Variants in TTC7B observed in about 807,000 individuals in gnomAD.
TTC7B encodes the protein tetratricopeptide repeat protein 7B.
In TTC7B, 28 loss-of-function variants were observed where a neutral mutation model predicts 106.8. The observed-to-expected ratio is 0.26, with a 90% CI of 0.19 to 0.36. The LOEUF is 0.36. TTC7B is among the 10% of genes least tolerant of loss of function. TTC7B has a pLI of 1.00. For synonymous variants in TTC7B, 405 were observed against 430.6 expected (o/e 0.94, Z 0.74); for missense variants, 862 against 1,076.4 (o/e 0.80, Z 2.79).
At position 90,527,973 on chromosome 14, in the gene TTC7B, G is replaced by A. The variant is rs1292623800; in HGVS notation, c.*13395C>T. 1 of 151,984 alleles carries A rather than the reference G, an allele frequency of 6.6e-6. No homozygotes were observed. Among genetic ancestry groups the A allele is most frequent in the Non-Finnish European group, 1.5e-5 (1 of 67,956 alleles). The allele number at this position is 151,984 out of a possible 1,614,324, so 9.4% of individuals were successfully genotyped here. A position where few individuals can be genotyped will look rare whatever the true frequency, so the allele number is the denominator to read the frequency against. ...GAGGCTGAGGCGGGTGGATCACTTG[G>A]AAGGATGTCTTGATCCAGAGTAAAG... On this transcript the variant is annotated 3_prime_UTR_variant, in exon 20 of 20. Coordinates refer to ENST00000328459, the MANE Select transcript of TTC7B (RefSeq NM_001010854.2).
chr14:90,659,679 G>A (rs1886106068), intron 9 of TTC7B, among the ~76,000 whole-genome samples: 1 of 152,146 alleles, frequency 6.6e-6, no homozygotes, highest in Non-Finnish European at 1.5e-5. Context: ...ATCAGGTGAC[G>A]AGCTCCGCAC....
At chr14:90,709,250 G>A (rs1366356799) in intron 5 of TTC7B, among the ~76,000 whole-genome samples, 13 of 149,772 alleles carry the variant, frequency 8.7e-5, no homozygotes, top group Admixed American at 1.3e-4. Flanking sequence ...TGTTTATTGC[G>A]GCACTATTCA....
chr14:90,736,434 T>A (rs1178802209), intron 4 of TTC7B, among the ~76,000 whole-genome samples: 2 of 151,866 alleles, frequency 1.3e-5, no homozygotes, highest in East Asian at 3.9e-4. Context: ...TAACTGGGCG[T>A]AGTGGTGGGC....
intron 9 of TTC7B, among the ~76,000 whole-genome samples, chr14:90,661,352 T>G (rs972515060): frequency 2.0e-5 from 3 of 152,136 alleles, no homozygotes; most frequent in Admixed American, 2.0e-4. Flanking sequence ...ACTGTGCCTT[T>G]AAGGAGCACA....
intron 3 of TTC7B, among the ~76,000 whole-genome samples, chr14:90,746,334 A>G (rs1889966405): frequency 6.6e-6 from 1 of 151,974 alleles, no homozygotes; most frequent in Non-Finnish European, 1.5e-5. Context: ...TAGTTTGTCC[A>G]TTTCTTTTGA....
intron 16 of TTC7B, among the ~76,000 whole-genome samples, chr14:90,616,392 T>C (rs1340005775): frequency 1.3e-5 from 2 of 152,170 alleles, no homozygotes; most frequent in African/African-American, 2.4e-5. Flanking sequence ...TTTGAGAACA[T>C]ATCCACAAAA....
At chr14:90,725,362 G>A (rs1181706570) in intron 5 of TTC7B, among the ~76,000 whole-genome samples, 1 of 152,092 alleles carries the variant, frequency 6.6e-6, no homozygotes, top group Non-Finnish European at 1.5e-5. Context: ...TGTTGTATCT[G>A]AGACATAAGC....
chr14:90,799,485 A>G (rs951035985), intron 1 of TTC7B, among the ~76,000 whole-genome samples: 1 of 152,212 alleles, frequency 6.6e-6, no homozygotes, highest in Non-Finnish European at 1.5e-5. Context: ...AAAGAGGGTG[A>G]CTGGGGCTAC....
intron 15 of TTC7B, chr14:90,642,799 T>C (rs914162561): frequency 3.9e-5 from 6 of 152,164 alleles, no homozygotes; most frequent in African/African-American, 1.4e-4. Flanking sequence ...ATATTGATTG[T>C]TTAAGAACTT....
At chr14:90,605,834 C>A in intron 17 of TTC7B, 3 of 1,089,806 alleles carry the variant, frequency 2.8e-6, no homozygotes, top group South Asian at 3.4e-5. Flanking sequence ...AATAAACTCG[C>A]TTTTAATATA....
intron 13 of TTC7B, among the ~76,000 whole-genome samples, chr14:90,650,893 C>T (rs1045963993): frequency 6.6e-6 from 1 of 152,192 alleles, no homozygotes; most frequent in African/African-American, 2.4e-5. Context: ...AGCCACCCAA[C>T]CTGGATGTCT....
In TTC7B at chr14:90,572,745, C is replaced by G. The variant is rs1891082095; in HGVS notation, c.2310+5361G>C. On this transcript the variant is annotated intron_variant, in intron 19 of 19. Transcript: ENST00000328459. ...ACTTTTGGGCCCACCATGCCCGGAA[C>G]AAAAAGCTTATTCTATTATTAGATT... Among the ~76,000 whole-genome samples the G allele has an allele frequency of 2.0e-5, 3 of 152,198 alleles. No individual in the cohort carries two copies. The South Asian group carries it at 6.2e-4, about 31-fold the overall frequency.
At chr14:90,737,547 T>G (rs975524058) in intron 4 of TTC7B, among the ~76,000 whole-genome samples, 3 of 42,280 alleles carry the variant, frequency 7.1e-5, no homozygotes, top group South Asian at 5.6e-4. Flanking sequence ...TATGATTCTG[T>G]TTTTTTTTTT....
chr14:90,676,715 C>T (rs1384505817), intron 8 of TTC7B, 55 bp from the exon 9 acceptor site: 8 of 1,588,534 alleles, frequency 5.0e-6, no homozygotes, highest in East Asian at 2.2e-5. Context: ...TGCTGCATGG[C>T]GGGGAGTCCA....
At position 90,658,318 on chromosome 14, in the gene TTC7B, T is replaced by G. The variant is rs138805570; in HGVS notation, c.1222A>C (p.Met408Leu). 6.2e-7 allele frequency: 1 copy of G among 1,613,928 alleles called. No individual in the cohort carries two copies. The highest frequency in any genetic ancestry group is 2.2e-5 in the East Asian group (1 of 44,882). Residue 408 changes from methionine (M) to leucine (L), a missense_variant, in exon 10 of 20, where the codon ATG (methionine) becomes CTG (leucine). By Grantham distance (15) the Met-to-Leu change is conservative (BLOSUM62 2). Coordinates refer to ENST00000328459, the MANE Select transcript of TTC7B (RefSeq NM_001010854.2). Reference sequence around the variant, plus strand: ...AAGGGACTCACTTTTCCAGCAGCCATCAGGGACAGAGCAAACTGGTACCAC... The same window carrying G: ...AAGGGACTCACTTTTCCAGCAGCCAGCAGGGACAGAGCAAACTGGTACCAC... Reference protein sequence around the residue: ...HLWYQFALSLMAAGKSARAVK... With the variant: ...HLWYQFALSLLAAGKSARAVK...
intron 1 of TTC7B, among the ~76,000 whole-genome samples, chr14:90,796,650 G>A (rs1595041619): frequency 6.6e-6 from 1 of 152,148 alleles, no homozygotes; most frequent in East Asian, 1.9e-4. Flanking sequence ...CTCTATTCCT[G>A]GGAGTACTTG....
At chr14:90,737,546 GTTT>G (rs71461922) in intron 4 of TTC7B, among the ~76,000 whole-genome samples, 12,211 of 92,334 alleles carry the variant, frequency 0.13, 1,358 homozygotes, top group African/African-American at 0.35. Flanking sequence ...GTATGATTCT[GTTT>G]TTTTTTTTTT....
Position 90,529,165 on chromosome 14 carries a change from T to C in TTC7B, c.*12203A>G, listed in dbSNP as rs1889222732. ...CGTGACCTGACTGCGCTTTGTTACCTGTTTCTGATGGCGTGACCTGACTGC... is the reference window on the plus strand; with the variant it reads ...CGTGACCTGACTGCGCTTTGTTACCCGTTTCTGATGGCGTGACCTGACTGC... On this transcript the variant is annotated 3_prime_UTR_variant, in exon 20 of 20. Transcript: ENST00000328459. 6.6e-6 allele frequency: 1 copy of C among 152,258 alleles called. No individual in the cohort carries two copies. The highest frequency in any genetic ancestry group is 2.4e-5 in the African/African-American group (1 of 41,416). The allele number at this position is 152,258 out of a possible 1,614,324, so 9.4% of individuals were successfully genotyped here.
At chr14:90,621,819 G>A (rs898671695) in intron 15 of TTC7B, among the ~76,000 whole-genome samples, 3 of 152,182 alleles carry the variant, frequency 2.0e-5, no homozygotes, top group Non-Finnish European at 4.4e-5. Context: ...CATCCTATTT[G>A]CTGAACCTGC....
Sources: allele counts gnomAD v4.1 joint callset (sites outside exome capture counted in the v4.1 genomes callset), GRCh38; gene constraint gnomAD v4.1.1; transcripts MANE v1.5; gene names NCBI Gene and HGNC (gene_info 2026-07-23, HGNC 2026-07-21).